Variants in BPNT1 observed in about 807,000 individuals in gnomAD.
The protein encoded by BPNT1 is 3'(2'),5'-bisphosphate nucleotidase 1.
BPNT1 carries 28 observed loss-of-function variants against 36.9 expected under a neutral mutation model. The observed-to-expected ratio is 0.76, with a 90% confidence interval of 0.56 to 1.04. The LOEUF (loss-of-function observed/expected upper bound fraction) is 1.04, where lower values mean the gene tolerates loss of function less well. Among genes scored for constraint, BPNT1 ranks in the 50% least tolerant of loss-of-function variants. The pLI is 0.00. For synonymous variants in BPNT1, 119 were observed against 130.9 expected, an observed-to-expected ratio of 0.91 and a Z score of 0.62; for missense variants, 313 against 372.9, an observed-to-expected ratio of 0.84 and a Z score of 1.32.
In BPNT1 at chr1:220,078,771, T is replaced by C. The variant is rs1478619234; in HGVS notation, c.120+956A>G. On this transcript the variant is annotated intron_variant, in intron 2 of 8. Transcript: ENST00000322067. ...CACCACCATGCCCAGCTAATTTTTG[T>C]ATTTTTAGTGGAGATGGGGTTTCAT... Among the ~76,000 whole-genome samples, 3 of 151,698 alleles carry C rather than the reference T, an allele frequency of 2.0e-5. No individual in the cohort carries two copies. In the East Asian group the frequency reaches 5.8e-4, roughly 29 times the overall value.
At chr1:220,077,823 T>C (rs1304135271) in intron 2 of BPNT1, among the ~76,000 whole-genome samples, 3 of 152,102 alleles carry the variant, frequency 2.0e-5, no homozygotes, top group Non-Finnish European at 4.4e-5. Context: ...CTATTAATGT[T>C]CTCACTTGGA....
intron 1 of BPNT1, among the ~76,000 whole-genome samples, chr1:220,086,097 T>C (rs1430416554): frequency 6.6e-6 from 1 of 152,182 alleles, no homozygotes; most frequent in Admixed American, 6.6e-5. Flanking sequence ...CCTTATCAAT[T>C]ATCAAAATAT....
chr1:220,078,502 TATATA>T (rs942247164), intron 2 of BPNT1, among the ~76,000 whole-genome samples: 131 of 139,312 alleles, frequency 9.4e-4, no homozygotes, highest in Non-Finnish European at 1.7e-3. Context: ...TAATAAATTT[TATATA>T]ATATAATTAT....
chr1:220,068,185 T>C (rs1392369731), intron 5 of BPNT1, among the ~76,000 whole-genome samples: 1 of 152,150 alleles, frequency 6.6e-6, no homozygotes, highest in Non-Finnish European at 1.5e-5. Flanking sequence ...TCATTATTAT[T>C]CTTATTTTCT....
chr1:220,075,216 GTA>G (rs928639725), intron 2 of BPNT1, among the ~76,000 whole-genome samples: 6 of 152,006 alleles, frequency 3.9e-5, no homozygotes, highest in Non-Finnish European at 7.4e-5. Context: ...GCTAATTTTT[GTA>G]TTTTTAGTAG....
chr1:220,081,140 T>C (rs1329857052), intron 1 of BPNT1, among the ~76,000 whole-genome samples: 2 of 152,160 alleles, frequency 1.3e-5, no homozygotes, highest in Non-Finnish European at 2.9e-5. Flanking sequence ...TTGCATCATC[T>C]TGGCCAGGCT....
intron 1 of BPNT1, among the ~76,000 whole-genome samples, chr1:220,087,091 A>C (rs1033839911): frequency 6.0e-5 from 9 of 151,230 alleles, no homozygotes; most frequent in Non-Finnish European, 1.2e-4. Flanking sequence ...CATTCTTTTG[A>C]TATTTTGATA....
chr1:220,059,692 C>T lies in BPNT1; in HGVS notation c.772G>A (p.Val258Met), dbSNP rs1253672264. The T allele has an allele frequency of 6.2e-7, 1 of 1,605,950 alleles. No individual in the cohort carries two copies. The highest frequency in any genetic ancestry group is 8.5e-7 in the Non-Finnish European group (1 of 1,176,588). ...TCAAATAAAACAGACTAACCTCCCACAGCATGTAAAATAACTTCTGGAGCA... is the reference window on the plus strand; with the variant it reads ...TCAAATAAAACAGACTAACCTCCCATAGCATGTAAAATAACTTCTGGAGCA... Reference protein sequence around the residue: ...TCAPEVILHAVGGKLTDIHGN... With the variant: ...TCAPEVILHAMGGKLTDIHGN... The change falls in exon 8 of 9, where the codon GTG becomes ATG. Residue 258 changes from valine to methionine, a missense_variant. Coordinates refer to ENST00000322067, the MANE Select transcript of BPNT1 (RefSeq NM_006085.6).
chr1:220,062,768 C>T lies in BPNT1; in HGVS notation c.661G>A (p.Ala221Thr), dbSNP rs766076627. 2 of 1,614,206 alleles carry T rather than the reference C, an allele frequency of 1.2e-6. No homozygotes were observed. Among genetic ancestry groups the T allele is most frequent in the Admixed American group, 1.7e-5 (1 of 60,020 alleles). ...GACATTTTTCATACCTTATTTCCTG[C>T]TCCTCCTACTCGCAGCACAGCATCG... is the stretch of plus-strand genomic sequence containing the variant. Reference protein sequence around the residue: ...NPDAVLRVGGAGNKIIQLIEG... With the variant: ...NPDAVLRVGGTGNKIIQLIEG... Residue 221 changes from alanine to threonine, a missense_variant, in exon 7 of 9, where the codon GCA (alanine) becomes ACA (threonine). Ala to Thr is a moderately conservative substitution (Grantham distance 58, BLOSUM62 0). Transcript: ENST00000322067.
intron 1 of BPNT1, among the ~76,000 whole-genome samples, chr1:220,087,924 C>T (rs1021839472): frequency 6.6e-6 from 1 of 152,000 alleles, no homozygotes; most frequent in Non-Finnish European, 1.5e-5. Flanking sequence ...GTTGCCCAGG[C>T]TGGAGTGCAA....
At chr1:220,061,071 A>C (rs1162471572) in intron 7 of BPNT1, among the ~76,000 whole-genome samples, 1 of 152,200 alleles carries the variant, frequency 6.6e-6, no homozygotes, top group Non-Finnish European at 1.5e-5. Flanking sequence ...AATGTTTCCT[A>C]ATCAGATTTT....
chr1:220,078,556 T>A (rs1445764598), intron 2 of BPNT1, among the ~76,000 whole-genome samples: 1 of 139,968 alleles, frequency 7.1e-6, no homozygotes, highest in African/African-American at 2.6e-5. Context: ...TAATTATATA[T>A]AAATATAATA....
intron 1 of BPNT1, among the ~76,000 whole-genome samples, chr1:220,082,239 G>A (rs1267585569): frequency 6.6e-6 from 1 of 150,482 alleles, no homozygotes; most frequent in Non-Finnish European, 1.5e-5. Context: ...GGAGTGCAGT[G>A]GCGCAATCTC....
intron 1 of BPNT1, among the ~76,000 whole-genome samples, chr1:220,084,976 G>A (rs1655571055): frequency 6.6e-6 from 1 of 151,636 alleles, no homozygotes; most frequent in Non-Finnish European, 1.5e-5. Flanking sequence ...TACTTCTCTG[G>A]TCCAAACTGA....
intron 7 of BPNT1, among the ~76,000 whole-genome samples, chr1:220,061,549 A>AT (rs11405609): frequency 2.6e-5 from 4 of 151,398 alleles, no homozygotes; most frequent in Non-Finnish European, 5.9e-5. Context: ...AAAAAAAAAA[A>AT]CAAAAAACTA....
Position 220,069,489 on chromosome 1 carries a change from A to C in BPNT1, c.334-57T>G. 9 of 1,248,942 alleles carry C rather than the reference A, an allele frequency of 7.2e-6. No individual in the cohort carries two copies. The South Asian group carries it at 1.2e-4, about 17-fold the overall frequency. 77.4% of individuals were successfully genotyped at this position (1,248,942 alleles called of 1,614,324 possible). A position where few individuals can be genotyped will look rare whatever the true frequency, so the allele number is the denominator to read the frequency against. The stretch of plus-strand genomic sequence containing the variant: ...AAATCAAGCACACAAAATTCTAAAA[A>C]TAGATTTAAATAGATTAAAATTACT... On this transcript the variant is annotated intron_variant, in intron 4 of 8. Coordinates refer to ENST00000322067, the MANE Select transcript of BPNT1 (RefSeq NM_006085.6).
intron 1 of BPNT1, among the ~76,000 whole-genome samples, chr1:220,083,123 G>A (rs1219487425): frequency 6.0e-5 from 9 of 151,116 alleles, no homozygotes; most frequent in Non-Finnish European, 1.5e-5. Flanking sequence ...TGTAATCCCA[G>A]CTACTCAGGA....
rs1663191218 is a variant in BPNT1 at position 220,062,940 on chromosome 1, A to G, written c.489T>C (p.Ala163=). ...CTCCCCAGATTGTCCTCCCCAACAC[A>G]GCATCTGGTCCTGCCTGTGTAAACG... ...PYYNYEAGPD[A]VLGRTIWGVL... Residue 163 remains alanine (A), a synonymous_variant, in exon 7 of 9, where the codon GCT becomes GCC. Coordinates refer to ENST00000322067, the MANE Select transcript of BPNT1 (RefSeq NM_006085.6). 1 of 1,614,082 alleles carries G rather than the reference A, an allele frequency of 6.2e-7. No individual in the cohort carries two copies. Among genetic ancestry groups the G allele is most frequent in the Non-Finnish European group, 8.5e-7 (1 of 1,180,048 alleles).
chr1:220,071,067 G>A (rs1402245497), intron 4 of BPNT1, among the ~76,000 whole-genome samples: 1 of 151,640 alleles, frequency 6.6e-6, no homozygotes, highest in Non-Finnish European at 1.5e-5. Context: ...AACCTGGGAG[G>A]CGGAGGTTGG....
Sources: gnomAD v4.1 joint callset for allele counts (sites outside exome capture counted in the v4.1 genomes callset) on GRCh38, gnomAD v4.1.1 for gene constraint, MANE v1.5 for transcripts, NCBI Gene and HGNC (gene_info 2026-07-23, HGNC 2026-07-21) for gene names.